The following CPSF2 variants were observed in gnomAD, a reference collection of about 807,000 sequenced individuals.
CPSF2 encodes cleavage and polyadenylation specificity factor subunit 2.
CPSF2 carries 51 observed loss-of-function variants against 84.2 expected under a neutral mutation model. The ratio of observed to expected loss-of-function variants is 0.61; its 90% CI spans 0.48 to 0.77. The LOEUF is 0.77. CPSF2 is among the 30% of genes least tolerant of loss of function. The probability of loss-of-function intolerance (pLI) is 0.00; values close to 1 mark genes in which losing one functional copy is unlikely to be tolerated. For synonymous variants in CPSF2, 286 were observed against 311.9 expected (o/e 0.92, Z 0.87); for missense variants, 641 against 929.4 (o/e 0.69, Z 4.03).
intron 7 of CPSF2, 82 bp downstream of exon 7, chr14:92,138,429 C>T (rs2069028683): frequency 6.0e-6 from 4 of 663,182 alleles, no homozygotes; most frequent in Non-Finnish European, 7.0e-6. Context: ...CATAAAAGTA[C>T]AGGTTTCTTT....
At chr14:92,135,792 A>C (rs2068990866) in intron 6 of CPSF2, among the ~76,000 whole-genome samples, 1 of 152,202 alleles carries the variant, frequency 6.6e-6, no homozygotes, top group South Asian at 2.1e-4. Flanking sequence ...CATGTTCTTG[A>C]CCTGCTATTT....
intron 9 of CPSF2, among the ~76,000 whole-genome samples, chr14:92,147,756 C>A (rs1364246024): frequency 6.6e-6 from 1 of 152,108 alleles, no homozygotes; most frequent in Non-Finnish European, 1.5e-5. Context: ...TCATGTCATT[C>A]CCTGTCACCC....
At chr14:92,131,446 T>A (rs1321779167) in intron 3 of CPSF2, among the ~76,000 whole-genome samples, 1 of 152,258 alleles carries the variant, frequency 6.6e-6, no homozygotes, top group Non-Finnish European at 1.5e-5. Flanking sequence ...GTGAAAGTTC[T>A]GTGGTCAGAT....
chr14:92,153,140 A>G (rs1367241928), intron 9 of CPSF2, among the ~76,000 whole-genome samples: 1 of 139,910 alleles, frequency 7.1e-6, no homozygotes, highest in Non-Finnish European at 1.6e-5. Context: ...GGAAGAAGGT[A>G]CTCTTTCCCC....
chr14:92,148,847 T>C (rs2069176180), intron 9 of CPSF2, among the ~76,000 whole-genome samples: 1 of 151,930 alleles, frequency 6.6e-6, no homozygotes, highest in Non-Finnish European at 1.5e-5. Flanking sequence ...TATCATGTAT[T>C]CCACATACCC....
intron 9 of CPSF2, among the ~76,000 whole-genome samples, chr14:92,145,115 G>A (rs375781308): frequency 1.2e-4 from 18 of 152,184 alleles, no homozygotes; most frequent in African/African-American, 4.1e-4. Flanking sequence ...TAGTGGGATG[G>A]TTAATAACTG....
In CPSF2 at chr14:92,159,102, T is replaced by C; in HGVS notation, c.1941T>C (p.Ile647=). The C allele has an allele frequency of 6.2e-7, 1 of 1,614,080 alleles. No individual in the cohort carries two copies. Among genetic ancestry groups the C allele is most frequent in the Non-Finnish European group, 8.5e-7 (1 of 1,180,002 alleles). ...TTTCCAAAGTGGACACAGGGGTTAT[T>C]TTAGAAGAAGGAGAACTAAAGGATG... ...MRVSKVDTGV[I]LEEGELKDDG... The change falls in exon 14 of 16, where the codon ATT becomes ATC. Residue 647 remains isoleucine, a synonymous_variant. Coordinates refer to ENST00000298875, the MANE Select transcript of CPSF2 (RefSeq NM_017437.3).
intron 11 of CPSF2, among the ~76,000 whole-genome samples, chr14:92,155,706 ATC>A (rs2141479200): frequency 6.6e-6 from 1 of 151,684 alleles, no homozygotes; most frequent in Non-Finnish European, 1.5e-5. Flanking sequence ...AGATGGGAGG[ATC>A]ACTTGAGCTC....
chr14:92,167,775 G>T lies in CPSF2; in HGVS notation c.*6031G>T, dbSNP rs200102875. On this transcript the variant is annotated 3_prime_UTR_variant, in exon 16 of 16. Transcript: ENST00000298875. Reference sequence around the variant, plus strand: ...TCTTCTGTACTTTTCTTTGATTAATGTAAGAGTCTAGAGTTTTATCAGAAG... The same window carrying T: ...TCTTCTGTACTTTTCTTTGATTAATTTAAGAGTCTAGAGTTTTATCAGAAG... The T allele has an allele frequency of 6.2e-5, 6 of 97,294 alleles. No homozygotes were observed. Among genetic ancestry groups the T allele is most frequent in the Non-Finnish European group, 1.3e-4 (6 of 46,724 alleles). The allele number at this position is 97,294 out of a possible 1,614,324, so 6.0% of individuals were successfully genotyped here. A position where few individuals can be genotyped will look rare whatever the true frequency, so the allele number is the denominator to read the frequency against.
intron 9 of CPSF2, among the ~76,000 whole-genome samples, chr14:92,145,704 A>G (rs1399951152): frequency 3.3e-5 from 5 of 152,234 alleles, no homozygotes; most frequent in Admixed American, 6.5e-5. Context: ...TAGAAATTCA[A>G]TTAGGTCTAA....
At position 92,134,340 on chromosome 14, in the gene CPSF2, A is replaced by G; in HGVS notation, c.400A>G (p.Ile134Val). The G allele has an allele frequency of 6.2e-7, 1 of 1,609,706 alleles. No individual in the cohort carries two copies. Among genetic ancestry groups the G allele is most frequent in the Non-Finnish European group, 8.5e-7 (1 of 1,177,314 alleles). Residue 134 changes from isoleucine (I) to valine (V), a missense_variant, in exon 5 of 16, where the codon ATT becomes GTT. Coordinates refer to ENST00000298875, the MANE Select transcript of CPSF2 (RefSeq NM_017437.3). ...AATACAGCAGCTAAAATTCTCTCAG[A>G]TTGTGAATTTGAAAGGTAAAAAGAA... ...DKIQQLKFSQ[I>V]VNLKGKGHGL...
chr14:92,132,910 G>A (rs931907014), intron 3 of CPSF2, among the ~76,000 whole-genome samples: 3 of 151,962 alleles, frequency 2.0e-5, no homozygotes, highest in African/African-American at 7.3e-5. Context: ...GGCCAACATG[G>A]TGAAAGTGTG....
chr14:92,155,866 GAGAT>G (rs1371838641), intron 11 of CPSF2, among the ~76,000 whole-genome samples: 1 of 152,106 alleles, frequency 6.6e-6, no homozygotes, highest in Non-Finnish European at 1.5e-5. Flanking sequence ...AGAGGAATGT[GAGAT>G]AGCATGAGTG....
intron 1 of CPSF2, 133 bp downstream of exon 1, chr14:92,122,261 G>A: frequency 3.7e-6 from 1 of 266,914 alleles, no homozygotes; most frequent in South Asian, 3.7e-5. Flanking sequence ...GGCTGCGACT[G>A]TCCCGGTCGT....
In CPSF2 at chr14:92,134,369, C is replaced by A. The variant is rs1444257329; in HGVS notation, c.415+14C>A. 10 of 1,542,926 alleles carry A rather than the reference C, an allele frequency of 6.5e-6. No homozygotes were observed. The highest frequency in any genetic ancestry group is 1.1e-5 in the South Asian group (1 of 88,670). On this transcript the variant is annotated intron_variant, in intron 5 of 15. Coordinates refer to ENST00000298875, the MANE Select transcript of CPSF2 (RefSeq NM_017437.3). ...TGAATTTGAAAGGTAAAAAGAATTT[C>A]CAGTAGTAAGTATTTAGATGAATGG...
chr14:92,152,337 CAG>C, intron 9 of CPSF2, among the ~76,000 whole-genome samples: 2 of 151,958 alleles, frequency 1.3e-5, no homozygotes, highest in Non-Finnish European at 2.9e-5. Context: ...CCATATTGAT[CAG>C]GCTTGTCTCG....
chr14:92,131,843 A>T (rs1035642528), intron 3 of CPSF2, among the ~76,000 whole-genome samples: 1 of 152,170 alleles, frequency 6.6e-6, no homozygotes, highest in African/African-American at 2.4e-5. Flanking sequence ...GTTTCAAAAA[A>T]AAAATAAGAT....
chr14:92,158,887 A>G, intron 13 of CPSF2, 96 bp from the exon 14 acceptor site: 1 of 1,164,962 alleles, frequency 8.6e-7, no homozygotes, highest in South Asian at 1.7e-5. Context: ...CAATTTTAAC[A>G]TATTACCAGA....
At chr14:92,129,165 A>G (rs2068883432) in intron 2 of CPSF2, among the ~76,000 whole-genome samples, 1 of 152,214 alleles carries the variant, frequency 6.6e-6, no homozygotes, top group Admixed American at 6.5e-5. Context: ...TAAAACAACA[A>G]CAACAAAAAA....
Sources: gnomAD v4.1 joint callset for allele counts (sites outside exome capture counted in the v4.1 genomes callset) on GRCh38, gnomAD v4.1.1 for gene constraint, MANE v1.5 for transcripts, NCBI Gene and HGNC (gene_info 2026-07-23, HGNC 2026-07-21) for gene names.